OPCML: variants seen among roughly 807,000 people sequenced by gnomAD.
OPCML encodes opioid-binding protein/cell adhesion molecule.
Under a neutral mutation model 37.8 loss-of-function variants are expected in OPCML, and 13 were observed. The observed-to-expected ratio is 0.34, with a 90% confidence interval of 0.22 to 0.55. The LOEUF is 0.55. OPCML is among the 20% of genes least tolerant of loss of function. The pLI, the probability that OPCML is intolerant of heterozygous loss-of-function variation, is 0.91. For synonymous variants in OPCML, 176 were observed against 168.8 expected, an observed-to-expected ratio of 1.04 and a Z score of -0.33; for missense variants, 341 against 435.6, an observed-to-expected ratio of 0.78 and a Z score of 1.93.
At chr11:132,495,812 G>A (rs1030030075) in intron 4 of OPCML, among the ~76,000 whole-genome samples, 6 of 151,296 alleles carry the variant, frequency 4.0e-5, no homozygotes, top group African/African-American at 1.5e-4. Context: ...GGAGAATGGT[G>A]TGAACCCAGG....
At chr11:133,428,979 A>C (rs1265099713) in intron 1 of OPCML, among the ~76,000 whole-genome samples, 2 of 152,242 alleles carry the variant, frequency 1.3e-5, no homozygotes, top group Non-Finnish European at 2.9e-5. Flanking sequence ...ATACGAGTTC[A>C]ATAATTGACA....
intron 1 of OPCML, among the ~76,000 whole-genome samples, chr11:133,219,539 C>T (rs1210528731): frequency 4.6e-5 from 7 of 152,168 alleles, no homozygotes; most frequent in South Asian, 2.1e-4. Flanking sequence ...AAGAATCATC[C>T]GGAGGGCTTG....
rs1416716059 is a variant in OPCML at position 132,588,130 on chromosome 11, TCA to T, written c.380-58946_380-58945del. Among the ~76,000 whole-genome samples, 3 of 152,092 alleles carry T rather than the reference TCA, an allele frequency of 2.0e-5. 1 individual carries two copies. The highest frequency in any genetic ancestry group is 7.2e-5 in the African/African-American group (3 of 41,418). On this transcript the variant is annotated intron_variant, in intron 3 of 7. Transcript: ENST00000524381. ...CATTGATAGCGACAATTGATTCTGA[TCA>T]CCAGGATCAGAATCCTGGTGGTAGG...
intron 2 of OPCML, among the ~76,000 whole-genome samples, chr11:132,694,774 G>A (rs1303587260): frequency 6.6e-6 from 1 of 152,092 alleles, no homozygotes; most frequent in African/African-American, 2.4e-5. Context: ...ATCTGCCCAA[G>A]GATCCCAGGA....
chr11:132,949,338 T>C (rs1429623847), intron 1 of OPCML, among the ~76,000 whole-genome samples: 1 of 152,244 alleles, frequency 6.6e-6, no homozygotes, highest in African/African-American at 2.4e-5. Flanking sequence ...CTCGTGACAC[T>C]GAAGAGATGC....
intron 1 of OPCML, chr11:133,024,538 C>A: frequency 2.0e-6 from 2 of 985,266 alleles, no homozygotes; most frequent in East Asian, 1.1e-4. Context: ...TGTAATATAC[C>A]CTTTGCACGT....
intron 1 of OPCML, among the ~76,000 whole-genome samples, chr11:133,218,603 G>A (rs539776439): frequency 5.1e-4 from 78 of 152,256 alleles, no homozygotes; most frequent in African/African-American, 1.9e-3. Flanking sequence ...AGGGTCCACG[G>A]CGAAGAGTAG....
chr11:132,865,819 A>G (rs559028231), intron 2 of OPCML, among the ~76,000 whole-genome samples: 5 of 152,332 alleles, frequency 3.3e-5, no homozygotes, highest in Middle Eastern at 6.8e-3. Flanking sequence ...AAAAACTCAT[A>G]GATAATGTAG....
At chr11:133,087,599 TATTA>T (rs1251526583) in intron 1 of OPCML, among the ~76,000 whole-genome samples, 8 of 152,378 alleles carry the variant, frequency 5.3e-5, no homozygotes, top group African/African-American at 1.9e-4. Context: ...GAGTTTAACA[TATTA>T]ATTTTCTGTC....
intron 4 of OPCML, among the ~76,000 whole-genome samples, chr11:132,449,069 A>T (rs2096062371): frequency 6.6e-6 from 1 of 152,168 alleles, no homozygotes; most frequent in South Asian, 2.1e-4. Context: ...CCCACAAAGG[A>T]GCATAAGGTC....
In OPCML at chr11:133,267,309, G is replaced by A. The variant is rs142322061; in HGVS notation, c.61+264955C>T. 9.5e-4 allele frequency among the ~76,000 whole-genome samples: 145 copies of A among 152,146 alleles called. 1 individual carries two copies. Among genetic ancestry groups the A allele is most frequent in the African/African-American group, 2.3e-3 (96 of 41,512 alleles). On this transcript the variant is annotated intron_variant, in intron 1 of 7. Coordinates refer to ENST00000524381, the MANE Select transcript of OPCML (RefSeq NM_001012393.5). Reference sequence around the variant, plus strand: ...GACTTGAGCCTCGGTAATTTTTATCGATGGTGTAAAATGGAAATGATTCAA... The same window carrying A: ...GACTTGAGCCTCGGTAATTTTTATCAATGGTGTAAAATGGAAATGATTCAA...
intron 1 of OPCML, chr11:133,025,270 A>G: frequency 6.7e-6 from 6 of 893,142 alleles, no homozygotes; most frequent in Non-Finnish European, 8.0e-6. Context: ...CTCACCTGTG[A>G]GTTGTATCTC....
chr11:132,519,384 C>A (rs1190572464), intron 4 of OPCML, among the ~76,000 whole-genome samples: 1 of 151,990 alleles, frequency 6.6e-6, no homozygotes, highest in East Asian at 1.9e-4. Flanking sequence ...TGAAGGCATC[C>A]CTCTGCTAGG....
intron 4 of OPCML, among the ~76,000 whole-genome samples, chr11:132,440,483 G>A (rs1358559869): frequency 6.6e-5 from 10 of 152,150 alleles, no homozygotes; most frequent in African/African-American, 2.4e-5. Context: ...ACTGTGCCGC[G>A]CTGTTCGTGG....
intron 2 of OPCML, chr11:132,860,076 G>T (rs747200024): frequency 6.6e-6 from 1 of 152,202 alleles, no homozygotes; most frequent in Non-Finnish European, 1.5e-5. Flanking sequence ...CTCTGGAAAG[G>T]TTAATACATC....
rs866278801 is a variant in OPCML at position 132,454,619 on chromosome 11, G to A, written c.506-17260C>T. Among the ~76,000 whole-genome samples, 48 of 152,180 alleles carry A rather than the reference G, an allele frequency of 3.2e-4. 1 individual carries two copies. Among genetic ancestry groups the A allele is most frequent in the Admixed American group, 1.2e-3 (18 of 15,284 alleles). On this transcript the variant is annotated intron_variant, in intron 4 of 7. Transcript: ENST00000524381. Reference sequence around the variant, plus strand: ...GGAGAAGCCAGCACCCAGGGCCTTCGGGAACATGGCAGCAGCCATGTTGAA... The same window carrying A: ...GGAGAAGCCAGCACCCAGGGCCTTCAGGAACATGGCAGCAGCCATGTTGAA...
intron 1 of OPCML, among the ~76,000 whole-genome samples, chr11:133,020,711 C>T (rs561245899): frequency 2.0e-5 from 3 of 152,158 alleles, no homozygotes; most frequent in Admixed American, 1.3e-4. Context: ...CCTGCACACA[C>T]GAGAGAGTAA....
chr11:133,199,071 AAGG>A (rs764412479), intron 1 of OPCML, among the ~76,000 whole-genome samples: 3 of 152,178 alleles, frequency 2.0e-5, no homozygotes, highest in East Asian at 1.9e-4. Context: ...CATATAAAAA[AAGG>A]AGAAGTGTTA....
chr11:133,024,842 G>A, intron 1 of OPCML: 1 of 985,440 alleles, frequency 1.0e-6, no homozygotes, highest in Non-Finnish European at 1.2e-6. Context: ...GTGAGGGAAA[G>A]GACCTGCTTT....
Sources: gnomAD v4.1 joint callset for allele counts (sites outside exome capture counted in the v4.1 genomes callset) on GRCh38, gnomAD v4.1.1 for gene constraint, MANE v1.5 for transcripts, NCBI Gene and HGNC (gene_info 2026-07-23, HGNC 2026-07-21) for gene names.